The following ZNF624 variants were observed in gnomAD, a reference collection of about 807,000 sequenced individuals.
ZNF624 encodes zinc finger protein 624.
ZNF624 carries 43 observed loss-of-function variants against 74.7 expected under a neutral mutation model. That is an observed-to-expected ratio of 0.58 (90% CI 0.45 to 0.74). The LOEUF (loss-of-function observed/expected upper bound fraction) is 0.74. ZNF624 is among the 30% of genes least tolerant of loss of function. ZNF624 has a pLI of 0.00. For missense variants in ZNF624, 820 were observed against 1,030.0 expected, an observed-to-expected ratio of 0.80 and a Z score of 2.79; for synonymous variants, 331 against 341.3, an observed-to-expected ratio of 0.97 and a Z score of 0.33.
chr17:16,616,656 G>C (rs973775117), downstream of ZNF624, among the ~76,000 whole-genome samples: 1 of 152,196 alleles, frequency 6.6e-6, no homozygotes, highest in Non-Finnish European at 1.5e-5. Flanking sequence ...ACAAAGAAGG[G>C]AGAGGGTCTT....
In ZNF624 at chr17:16,624,310, T is replaced by C; in HGVS notation, c.576A>G (p.Pro192=). ...TTTGACTAGTGGGAGTCTTCTTGAG[T>C]GGAATTATTCTTTGACTCAAATGAT... ...QENHLSQRII[P]LKKTPTSQRG... Residue 192 remains proline (P), a synonymous_variant, in exon 6 of 6, where the codon CCA becomes CCG. Transcript: ENST00000311331. 1 of 1,613,500 alleles carries C rather than the reference T, an allele frequency of 6.2e-7. No individual in the cohort carries two copies. The highest frequency in any genetic ancestry group is 8.5e-7 in the Non-Finnish European group (1 of 1,179,840).
chr17:16,626,003 A>G (rs974820817), intron 5 of ZNF624, among the ~76,000 whole-genome samples: 4 of 151,580 alleles, frequency 2.6e-5, no homozygotes, highest in Non-Finnish European at 5.9e-5. Context: ...AGGCTGGAGT[A>G]CAGTGGCACA....
At chr17:16,644,347 T>A (rs1909537140) in intron 3 of ZNF624, among the ~76,000 whole-genome samples, 1 of 152,232 alleles carries the variant, frequency 6.6e-6, no homozygotes, top group African/African-American at 2.4e-5. Flanking sequence ...GAAACTGAAC[T>A]TTGTCAAACT....
At chr17:16,647,625 A>T (rs1177608024) in intron 2 of ZNF624, among the ~76,000 whole-genome samples, 5 of 152,244 alleles carry the variant, frequency 3.3e-5, no homozygotes, top group Admixed American at 6.5e-5. Flanking sequence ...AACTGCTTTT[A>T]AAAAAGAACC....
Position 16,634,809 on chromosome 17 carries a change from G to A in ZNF624, c.154-53C>T. 3.9e-6 allele frequency: 6 copies of A among 1,549,466 alleles called. No individual in the cohort carries two copies. In the South Asian group the frequency reaches 7.4e-5, roughly 19 times the overall value. On this transcript the variant is annotated intron_variant, in intron 3 of 5. Transcript: ENST00000311331. Reference sequence around the variant, plus strand: ...GAAACTATACAATTAGACTTGTTAGGCAGAATTATACATAAAAAACTGGGG... The same window carrying A: ...GAAACTATACAATTAGACTTGTTAGACAGAATTATACATAAAAAACTGGGG...
In ZNF624 at chr17:16,623,856, A is replaced by C. The variant is rs1438458876; in HGVS notation, c.1030T>G (p.Ser344Ala). 8 of 1,613,756 alleles carry C rather than the reference A, an allele frequency of 5.0e-6. No homozygotes were observed. Among genetic ancestry groups the C allele is most frequent in the African/African-American group, 1.3e-5 (1 of 74,892 alleles). The change falls in exon 6 of 6, where the codon TCT (serine) becomes GCT (alanine). Residue 344 changes from serine (S) to alanine (A), a missense_variant. Coordinates refer to ENST00000311331, the MANE Select transcript of ZNF624 (RefSeq NM_020787.4). The surrounding 1 kb of genome is among the most constrained non-coding windows in gnomAD (Gnocchi z 5.3). ...CNECGKAFIA[S>A]SSLMVHQRIH... ...CTCTGATGTACCATAAGTGATGAAG[A>C]AGCAATGAAGGCCTTTCCACATTCA...
At chr17:16,648,312 G>T (rs1909642074) in intron 2 of ZNF624, among the ~76,000 whole-genome samples, 1 of 151,676 alleles carries the variant, frequency 6.6e-6, no homozygotes, top group Non-Finnish European at 1.5e-5. Context: ...ATCCATTTCA[G>T]ATGCTGTGCC....
At chr17:16,616,583 A>T (rs756790325), downstream of ZNF624, among the ~76,000 whole-genome samples, 1 of 152,252 alleles carries the variant, frequency 6.6e-6, no homozygotes, top group Non-Finnish European at 1.5e-5. Context: ...AAACTAAATG[A>T]GCTTAATCTT....
At chr17:16,636,396 TAG>T (rs1909330886) in intron 3 of ZNF624, among the ~76,000 whole-genome samples, 2 of 152,134 alleles carry the variant, frequency 1.3e-5, no homozygotes, top group South Asian at 4.1e-4. Flanking sequence ...ACAAAAGAAT[TAG>T]AACATCACAA....
chr17:16,638,636 C>T (rs950958008), intron 3 of ZNF624, among the ~76,000 whole-genome samples: 3 of 152,112 alleles, frequency 2.0e-5, no homozygotes, highest in Non-Finnish European at 4.4e-5. Context: ...ACTGAATGTT[C>T]TCACTCATAG....
In ZNF624 at chr17:16,624,239, G is replaced by A. The variant is rs2142571431; in HGVS notation, c.647C>T (p.Ala216Val). Residue 216 changes from alanine (A) to valine (V), a missense_variant, in exon 6 of 6, where the codon GCC becomes GTC. Coordinates refer to ENST00000311331, the MANE Select transcript of ZNF624 (RefSeq NM_020787.4). ...GCATCTGCTGTGAAGCTCTTCTGTGGCAATGCCTGGTTCTGGAATAAGAAT... is the reference window on the plus strand; with the variant it reads ...GCATCTGCTGTGAAGCTCTTCTGTGACAATGCCTGGTTCTGGAATAAGAAT... ...ESILIPEPGI[A>V]TEELHSRCQT... is the part of the protein sequence containing the mutation. 1.2e-6 allele frequency: 2 copies of A among 1,614,136 alleles called. No individual in the cohort carries two copies. The highest frequency in any genetic ancestry group is 2.2e-5 in the South Asian group (2 of 91,080).
At chr17:16,631,083 A>G (rs1204978727) in intron 5 of ZNF624, among the ~76,000 whole-genome samples, 1 of 152,188 alleles carries the variant, frequency 6.6e-6, no homozygotes, top group African/African-American at 2.4e-5. Flanking sequence ...ATCCTGTCTG[A>G]CCATAGTAGA....
chr17:16,642,415 G>A (rs1386186372), intron 3 of ZNF624, among the ~76,000 whole-genome samples: 1 of 152,150 alleles, frequency 6.6e-6, no homozygotes, highest in Non-Finnish European at 1.5e-5. Context: ...AAGACAATGA[G>A]TAGAGAATAG....
At chr17:16,652,033 G>C (rs879934485) in intron 1 of ZNF624, among the ~76,000 whole-genome samples, 4 of 151,986 alleles carry the variant, frequency 2.6e-5, no homozygotes, top group African/African-American at 2.4e-5. Flanking sequence ...GGAGTGGGAG[G>C]GGGGTGGAGA....
At chr17:16,644,534 T>G (rs1232769947) in intron 3 of ZNF624, among the ~76,000 whole-genome samples, 1 of 152,142 alleles carries the variant, frequency 6.6e-6, no homozygotes, top group Non-Finnish European at 1.5e-5. Context: ...TCTAAGATAA[T>G]ACACTGATGC....
At chr17:16,619,027 T>A (rs570634920), downstream of ZNF624, among the ~76,000 whole-genome samples, 151 of 152,296 alleles carry the variant, frequency 9.9e-4, 1 homozygote, top group African/African-American at 3.6e-3. Flanking sequence ...AAATATTTGG[T>A]ATTGTTACAA....
downstream of ZNF624, chr17:16,617,851 A>G (rs1908824055): frequency 1.2e-6 from 2 of 1,610,684 alleles, no homozygotes; most frequent in African/African-American, 1.3e-5. Context: ...TGGACGTTGT[A>G]GCTTAGGCGT....
chr17:16,623,765 C>A lies in ZNF624; in HGVS notation c.1121G>T (p.Arg374Leu). 1 of 1,613,980 alleles carries A rather than the reference C, an allele frequency of 6.2e-7. No individual in the cohort carries two copies. Among genetic ancestry groups the A allele is most frequent in the Non-Finnish European group, 8.5e-7 (1 of 1,180,008 alleles). Residue 374 changes from arginine (R) to leucine (L), a missense_variant, in exon 6 of 6, where the codon CGT becomes CTT. Coordinates refer to ENST00000311331, the MANE Select transcript of ZNF624 (RefSeq NM_020787.4). The surrounding 1 kb of genome is among the most constrained non-coding windows in gnomAD (Gnocchi z 5.3). The stretch of plus-strand genomic sequence containing the variant: ...TTGAATTCTCTGGTGCTGATTAAGA[C>A]GGGCACACTGGCTAAAAGATTTCCC... ...VCGKSFSQCA[R>L]LNQHQRIQTG...
downstream of ZNF624, among the ~76,000 whole-genome samples, chr17:16,615,956 C>CATACATATATATATATATATATATATAT (rs58603208): frequency 1.1e-5 from 1 of 90,308 alleles, no homozygotes; most frequent in African/African-American, 3.8e-5. Flanking sequence ...ATTCCATATA[C>CATACATATATATATATATATATATATAT]ATATATATAT....
Sources: allele counts gnomAD v4.1 joint callset (sites outside exome capture counted in the v4.1 genomes callset), GRCh38; gene constraint gnomAD v4.1.1; non-coding constraint Gnocchi (gnomAD v3.1); transcripts MANE v1.5; gene names NCBI Gene and HGNC (gene_info 2026-07-23, HGNC 2026-07-21).